TRPC4: variants seen among roughly 807,000 people sequenced by gnomAD.
TRPC4 encodes transient receptor potential cation channel subfamily C member 4, also known as short transient receptor potential channel 4.
TRPC4 carries 49 observed loss-of-function variants against 99.4 expected under a neutral mutation model. That is an observed-to-expected ratio of 0.49 (90% confidence interval 0.39 to 0.63). The LOEUF is 0.63. Ranked by LOEUF, TRPC4 falls within the 20% of genes least tolerant of loss-of-function variation. TRPC4 has a pLI of 0.00. For missense variants in TRPC4, 898 were observed against 1,152.9 expected (o/e 0.78, Z 3.20); for synonymous variants, 454 against 425.9 (o/e 1.07, Z -0.81).
At chr13:37,852,215 G>A (rs1348826091) in intron 1 of TRPC4, among the ~76,000 whole-genome samples, 1 of 152,094 alleles carries the variant, frequency 6.6e-6, no homozygotes, top group African/African-American at 2.4e-5. Flanking sequence ...AGGAACAAAA[G>A]TGTCCCCTTC....
At chr13:37,730,934 CCATAATTTTCATA>C (rs1339890726) in intron 3 of TRPC4, among the ~76,000 whole-genome samples, 1 of 151,852 alleles carries the variant, frequency 6.6e-6, no homozygotes, top group Non-Finnish European at 1.5e-5. Context: ...AAGATTTCTG[CCATAATTTTCATA>C]CAGGCCAAAA....
At chr13:37,825,407 T>A (rs1218987459) in intron 1 of TRPC4, among the ~76,000 whole-genome samples, 1 of 151,922 alleles carries the variant, frequency 6.6e-6, no homozygotes, top group Non-Finnish European at 1.5e-5. Context: ...CTTGTGGGCA[T>A]TTAGTGCTAT....
At chr13:37,784,396 A>T (rs919862241) in intron 1 of TRPC4, among the ~76,000 whole-genome samples, 1 of 152,160 alleles carries the variant, frequency 6.6e-6, no homozygotes, top group Non-Finnish European at 1.5e-5. Context: ...CTTACAATAA[A>T]TTCACAAAGG....
intron 1 of TRPC4, among the ~76,000 whole-genome samples, chr13:37,797,878 G>A (rs1957299748): frequency 6.6e-6 from 1 of 152,050 alleles, no homozygotes; most frequent in Admixed American, 6.6e-5. Context: ...TTGTTATTCT[G>A]CACAGTCATC....
At chr13:37,775,904 A>C (rs1488091470) in intron 2 of TRPC4, among the ~76,000 whole-genome samples, 7 of 151,774 alleles carry the variant, frequency 4.6e-5, no homozygotes, top group African/African-American at 7.2e-5. Flanking sequence ...GGAAAAAGCA[A>C]CAGAACATGT....
intron 1 of TRPC4, among the ~76,000 whole-genome samples, chr13:37,820,122 C>T (rs912984897): frequency 6.6e-6 from 1 of 151,850 alleles, no homozygotes; most frequent in African/African-American, 2.4e-5. Context: ...TTACCACCAA[C>T]CTCACAGAAA....
chr13:37,667,924 T>C (rs1401988893), intron 5 of TRPC4, among the ~76,000 whole-genome samples: 2 of 152,236 alleles, frequency 1.3e-5, no homozygotes, highest in African/African-American at 4.8e-5. Context: ...TCATCAAGTA[T>C]ACATGAGTGT....
At chr13:37,780,762 T>C (rs1218056341) in intron 2 of TRPC4, among the ~76,000 whole-genome samples, 3 of 152,188 alleles carry the variant, frequency 2.0e-5, no homozygotes, top group African/African-American at 4.8e-5. Context: ...CAGTTTTCAT[T>C]GTGCAAGATA....
intron 1 of TRPC4, among the ~76,000 whole-genome samples, chr13:37,801,666 A>G (rs180858623): frequency 6.6e-6 from 1 of 152,238 alleles, no homozygotes; most frequent in African/African-American, 2.4e-5. Flanking sequence ...AGTGGGTATT[A>G]CGAATTGTAG....
chr13:37,727,316 C>T (rs527576967), intron 3 of TRPC4, among the ~76,000 whole-genome samples: 4 of 151,760 alleles, frequency 2.6e-5, no homozygotes, highest in South Asian at 2.1e-4. Context: ...AATTAAACAA[C>T]GTACTTTTAA....
intron 8 of TRPC4, among the ~76,000 whole-genome samples, chr13:37,642,333 A>G (rs1951740559): frequency 6.6e-6 from 1 of 152,206 alleles, no homozygotes; most frequent in Non-Finnish European, 1.5e-5. Flanking sequence ...TTCAGAGGTC[A>G]TAGCAAAAGA....
intron 1 of TRPC4, among the ~76,000 whole-genome samples, chr13:37,866,211 A>G (rs1215513736): frequency 6.6e-6 from 1 of 151,830 alleles, no homozygotes; most frequent in Non-Finnish European, 1.5e-5. Flanking sequence ...GTTTTAATTA[A>G]CATTTCTAAT....
chr13:37,714,326 C>T lies in TRPC4; in HGVS notation c.898-21991G>A, dbSNP rs146148709. Among the ~76,000 whole-genome samples the T allele has an allele frequency of 2.6e-4, 39 of 152,114 alleles. No homozygotes were observed. The East Asian group carries it at 7.6e-3, about 30-fold the overall frequency. ...ATTTTCAGTAGAGACAGGGTTTCAC[C>T]ACGTTCACAAGACTGGTCTCGAACT... On this transcript the variant is annotated intron_variant, in intron 3 of 10. Transcript: ENST00000379705.
At position 37,811,675 on chromosome 13, in the gene TRPC4, C is replaced by A. The variant is rs868853977; in HGVS notation, c.-27-28315G>T. The stretch of plus-strand genomic sequence containing the variant: ...GAATTACCAGAGGCCAGGGGAAAAT[C>A]ATCTGTGAAGATAACAGGGAAGAAT... On this transcript the variant is annotated intron_variant, in intron 1 of 10. Coordinates refer to ENST00000379705, the MANE Select transcript of TRPC4 (RefSeq NM_016179.4). Among the ~76,000 whole-genome samples, 3 of 152,232 alleles carry A rather than the reference C, an allele frequency of 2.0e-5. No homozygotes were observed. In the South Asian group the frequency reaches 6.2e-4, roughly 32 times the overall value.
intron 1 of TRPC4, among the ~76,000 whole-genome samples, chr13:37,848,853 G>GC (rs1477996722): frequency 6.6e-6 from 1 of 152,170 alleles, no homozygotes; most frequent in Admixed American, 6.5e-5. Flanking sequence ...GAACTAACAT[G>GC]CTTTTGTAGG....
intron 6 of TRPC4, among the ~76,000 whole-genome samples, chr13:37,662,027 A>G (rs1379082355): frequency 6.6e-6 from 1 of 152,106 alleles, no homozygotes; most frequent in African/African-American, 2.4e-5. Context: ...AGGAGCTGGA[A>G]GGCCGGCGAA....
At chr13:37,845,607 G>A (rs962614523) in intron 1 of TRPC4, among the ~76,000 whole-genome samples, 13 of 150,620 alleles carry the variant, frequency 8.6e-5, no homozygotes, top group African/African-American at 3.2e-4. Context: ...GATCAGAGGA[G>A]CAAAAATAAA....
rs75975205 is a variant in TRPC4, at chr13:37,698,059, G to A, written c.898-5724C>T. On this transcript the variant is annotated intron_variant, in intron 3 of 10. Transcript: ENST00000379705. ...GAGCAAGCAGCAGGATCACCTGGAGGCTGTTAAAACACATGAGCCCCACCC... is the reference window on the plus strand; with the variant it reads ...GAGCAAGCAGCAGGATCACCTGGAGACTGTTAAAACACATGAGCCCCACCC... Among the ~76,000 whole-genome samples, 1,074 of 150,942 alleles carry A rather than the reference G, an allele frequency of 7.1e-3. 3 individuals are homozygous for A. Among genetic ancestry groups the A allele is most frequent in the Middle Eastern group, 0.031 (9 of 292 alleles).
intron 1 of TRPC4, among the ~76,000 whole-genome samples, chr13:37,791,875 G>A (rs1378462783): frequency 2.0e-5 from 3 of 152,130 alleles, no homozygotes; most frequent in East Asian, 1.9e-4. Context: ...GGAGGAACAG[G>A]ATGCAATCTA....
Sources: gnomAD v4.1 joint callset for allele counts (sites outside exome capture counted in the v4.1 genomes callset) on GRCh38, gnomAD v4.1.1 for gene constraint, MANE v1.5 for transcripts, NCBI Gene and HGNC (gene_info 2026-07-23, HGNC 2026-07-21) for gene names.